Variants in SCML1 observed in about 807,000 individuals in gnomAD.
SCML1 encodes Scm polycomb group protein like 1, also known as sex comb on midleg-like protein 1.
For missense variants in SCML1, 137 were observed against 258.1 expected, an observed-to-expected ratio of 0.53 and a Z score of 3.22; for synonymous variants, 104 against 103.6, an observed-to-expected ratio of 1.00 and a Z score of -0.02.
intron 4 of SCML1, among the ~76,000 whole-genome samples, chrX:17,748,063 G>A (rs1191541544): frequency 9.0e-6 from 1 of 111,703 alleles, no homozygotes; most frequent in Non-Finnish European, 1.9e-5. Flanking sequence ...AGAGTTCCAG[G>A]TTCCATAGGT....
rs368068695 is a variant in SCML1, at chrX:17,747,152, C to T, written c.198+1054C>T. ...GAGCACCTGGGGCAGTCCTCTCCTCCGAGTCCTCATAACTGTCCCCACAGC... is the reference window on the plus strand; with the variant it reads ...GAGCACCTGGGGCAGTCCTCTCCTCTGAGTCCTCATAACTGTCCCCACAGC... On this transcript the variant is annotated intron_variant, in intron 4 of 7. Transcript: ENST00000380041. Among the ~76,000 whole-genome samples the T allele has an allele frequency of 3.6e-5, 4 of 111,723 alleles. No individual in the cohort carries two copies. In the East Asian group the frequency reaches 1.1e-3, roughly 31 times the overall value.
chrX:17,742,536 G>T (rs1255006395), intron 1 of SCML1, among the ~76,000 whole-genome samples: 1 of 111,964 alleles, frequency 8.9e-6, no homozygotes, highest in Non-Finnish European at 1.9e-5. Context: ...CTACATGCAG[G>T]ACCAGCAGGA....
At chrX:17,744,354 A>G in intron 2 of SCML1, 135 bp downstream of exon 2, 1 of 424,296 alleles carries the variant, frequency 2.4e-6, no homozygotes, top group Non-Finnish European at 3.9e-6. Flanking sequence ...ACAGTAATAT[A>G]TAAAGCTCTT....
Position 17,754,578 on chromosome X carries a change from G to T in SCML1, c.*1186G>T, listed in dbSNP as rs2066745070. 1.8e-5 allele frequency: 2 copies of T among 112,657 alleles called. No homozygotes were observed. The highest frequency in any genetic ancestry group is 1.9e-4 in the Admixed American group (2 of 10,610). The allele number at this position is 112,657 out of a possible 1,213,427, so 9.3% of individuals were successfully genotyped here. A position where few individuals can be genotyped will look rare whatever the true frequency, so the allele number is the denominator to read the frequency against. The stretch of plus-strand genomic sequence containing the variant: ...AATCTTTGGGGGCTTTATTTTGTAA[G>T]TTAGAACTTTCAAGGGAAACATGTT... On this transcript the variant is annotated 3_prime_UTR_variant, in exon 8 of 8. Coordinates refer to ENST00000380041, the MANE Select transcript of SCML1 (RefSeq NM_001037540.3).
intron 6 of SCML1, among the ~76,000 whole-genome samples, chrX:17,750,819 A>G (rs2066701356): frequency 8.9e-6 from 1 of 112,909 alleles, no homozygotes; most frequent in Non-Finnish European, 1.9e-5. Flanking sequence ...GCTAATTCAC[A>G]CACACAAAAA....
At chrX:17,741,663 G>T (rs1464186193) in intron 1 of SCML1, among the ~76,000 whole-genome samples, 2 of 111,622 alleles carry the variant, frequency 1.8e-5, no homozygotes, top group East Asian at 5.6e-4. Context: ...CATTGTTGTT[G>T]TTCTGTTTTG....
At chrX:17,743,611 G>C (rs1230425980) in intron 1 of SCML1, among the ~76,000 whole-genome samples, 3 of 111,411 alleles carry the variant, frequency 2.7e-5, no homozygotes, top group Non-Finnish European at 5.7e-5. Flanking sequence ...ATCTCAACTG[G>C]TGTTCGAAAC....
At chrX:17,743,886 A>T in intron 1 of SCML1, 185 bp from the exon 2 acceptor site, 1 of 238,924 alleles carries the variant, frequency 4.2e-6, no homozygotes, top group Non-Finnish European at 7.4e-6. Flanking sequence ...ATTTCTAGTC[A>T]TGAGCAATAT....
chrX:17,743,498 A>C (rs1444237947), intron 1 of SCML1, among the ~76,000 whole-genome samples: 1 of 112,047 alleles, frequency 8.9e-6, no homozygotes, highest in African/African-American at 3.2e-5. Flanking sequence ...AACCTTCCTA[A>C]TTTTAGATTG....
At chrX:17,739,212 T>C in intron 1 of SCML1, among the ~76,000 whole-genome samples, 1 of 112,363 alleles carries the variant, frequency 8.9e-6, no homozygotes, top group Non-Finnish European at 1.9e-5. Flanking sequence ...CAAGTGAGTT[T>C]CATTTTAAGT....
chrX:17,750,491 C>T (rs900627629), intron 6 of SCML1, among the ~76,000 whole-genome samples, 198 bp downstream of exon 6: 2 of 112,417 alleles, frequency 1.8e-5, no homozygotes, highest in Admixed American at 1.9e-4. Flanking sequence ...GGAAGCTGTT[C>T]GTTTCCTATT....
rs766790151 is a variant in SCML1 at position 17,751,708 on chromosome X, G to A, written c.704-107G>A. On this transcript the variant is annotated intron_variant, in intron 6 of 7. Transcript: ENST00000380041. ...CTCCTTGCTAGGAACATCACAGAAG[G>A]TTCCAACAAAGAGAGCATTCCTCCT... The A allele has an allele frequency of 3.4e-4, 285 of 846,473 alleles. 1 individual carries two copies. The highest frequency in any genetic ancestry group is 4.5e-4 in the Non-Finnish European group (272 of 600,168). 69.8% of individuals were successfully genotyped at this position (846,473 alleles called of 1,213,427 possible).
chrX:17,743,586 T>G (rs1041883443), intron 1 of SCML1, among the ~76,000 whole-genome samples: 3 of 111,741 alleles, frequency 2.7e-5, no homozygotes, highest in Non-Finnish European at 5.6e-5. Flanking sequence ...AAAGTTGAAA[T>G]GGACCTTAGA....
At chrX:17,751,608 T>G (rs2066707333) in intron 6 of SCML1, among the ~76,000 whole-genome samples, 1 of 112,101 alleles carries the variant, frequency 8.9e-6, no homozygotes, top group African/African-American at 3.2e-5. Context: ...GGAGGTCAGA[T>G]GGGACACTCT....
chrX:17,737,624 G>A lies in SCML1; in HGVS notation c.-173G>A, dbSNP rs2066549560. ...CCCATCGGAGAGGCAGGACTACTGC[G>A]AGCAGTTTTACCGCGACCTCCGGAG... On this transcript the variant is annotated 5_prime_UTR_variant, in exon 1 of 8. Transcript: ENST00000380041. 1 of 111,091 alleles carries A rather than the reference G, an allele frequency of 9.0e-6. No homozygotes were observed. The highest frequency in any genetic ancestry group is 1.9e-5 in the Non-Finnish European group (1 of 52,848). 9.2% of individuals were successfully genotyped at this position (111,091 alleles called of 1,213,427 possible). A position where few individuals can be genotyped will look rare whatever the true frequency, so the allele number is the denominator to read the frequency against.
Position 17,743,489 on chromosome X carries a change from A to G in SCML1, c.-116-582A>G, listed in dbSNP as rs747996620. 1.4e-3 allele frequency among the ~76,000 whole-genome samples: 152 copies of G among 111,981 alleles called. 1 individual carries two copies. Among genetic ancestry groups the G allele is most frequent in the African/African-American group, 4.5e-3 (140 of 30,834 alleles). ...TAAAGTGACTCAGAGCCATAACCAA[A>G]CCTTCCTAATTTTAGATTGTTTGGC... On this transcript the variant is annotated intron_variant, in intron 1 of 7. Transcript: ENST00000380041.
intron 1 of SCML1, among the ~76,000 whole-genome samples, chrX:17,742,954 G>A (rs2066610199): frequency 8.9e-6 from 1 of 112,014 alleles, no homozygotes. Flanking sequence ...TAAACCCAAG[G>A]TTATGGTTGT....
intron 1 of SCML1, among the ~76,000 whole-genome samples, chrX:17,738,254 G>C (rs1394962612): frequency 8.9e-6 from 1 of 112,249 alleles, no homozygotes; most frequent in Non-Finnish European, 1.9e-5. Flanking sequence ...TTGGAGTGGG[G>C]GAGGCCGTCG....
In SCML1 at chrX:17,745,437, G is replaced by C; in HGVS notation, c.34-19G>C. On this transcript the variant is annotated intron_variant, in intron 2 of 7. Coordinates refer to ENST00000380041, the MANE Select transcript of SCML1 (RefSeq NM_001037540.3). The stretch of plus-strand genomic sequence containing the variant: ...TGTCTTTCATCTTCCCTTTTAATTT[G>C]TTGGTAAATTTTCCTCAGATAAAAA... The C allele has an allele frequency of 1.0e-6, 1 of 981,601 alleles. No individual in the cohort carries two copies. The highest frequency in any genetic ancestry group is 1.4e-6 in the Non-Finnish European group (1 of 696,895). The allele number at this position is 981,601 out of a possible 1,213,427, so 80.9% of individuals were successfully genotyped here.
Sources: gnomAD v4.1 joint callset for allele counts (sites outside exome capture counted in the v4.1 genomes callset) on GRCh38, gnomAD v4.1.1 for gene constraint, MANE v1.5 for transcripts, NCBI Gene and HGNC (gene_info 2026-07-23, HGNC 2026-07-21) for gene names.